LPP: variants seen among roughly 807,000 people sequenced by gnomAD.
LPP encodes the protein lipoma-preferred partner.
In LPP, 38 loss-of-function variants were observed where a neutral mutation model predicts 60.4. That is an observed-to-expected ratio of 0.63 (90% CI 0.49 to 0.83). The LOEUF is 0.83. LPP is among the 40% of genes least tolerant of loss of function. LPP has a pLI of 0.00. For synonymous variants in LPP, 328 were observed against 290.8 expected (o/e 1.13, Z -1.30); for missense variants, 902 against 783.6 (o/e 1.15, Z -1.80).
In LPP at chr3:188,651,963, G is replaced by C. The variant is rs151256851; in HGVS notation, c.1113+42119G>C. On this transcript the variant is annotated intron_variant, in intron 7 of 11. Coordinates refer to ENST00000617246, the MANE Select transcript of LPP (RefSeq NM_001375462.1). ...CCATTTTATTAGTATTTCTTAAAAG[G>C]CTTCATCAAAGCAGTTAAATGACTT... 3.8e-4 allele frequency among the ~76,000 whole-genome samples: 58 copies of C among 152,172 alleles called. No homozygotes were observed. In the Middle Eastern group the frequency reaches 0.01, roughly 27 times the overall value.
chr3:188,376,481 A>T (rs1467339242), intron 3 of LPP, among the ~76,000 whole-genome samples: 1 of 151,868 alleles, frequency 6.6e-6, no homozygotes. Context: ...GTCTCTTTTG[A>T]TCGTTGTTGG....
At chr3:188,817,518 A>G (rs1309482677) in intron 9 of LPP, among the ~76,000 whole-genome samples, 1 of 152,150 alleles carries the variant, frequency 6.6e-6, no homozygotes, top group African/African-American at 2.4e-5. Context: ...AGCTGTTTCA[A>G]TTCGTATGCC....
chr3:188,758,459 C>A (rs1483637263), intron 8 of LPP, among the ~76,000 whole-genome samples: 1 of 152,138 alleles, frequency 6.6e-6, no homozygotes, highest in African/African-American at 2.4e-5. Flanking sequence ...CTGCACCCAG[C>A]CTTCATATTT....
At chr3:188,805,146 CTG>C (rs1748693567) in intron 9 of LPP, among the ~76,000 whole-genome samples, 1 of 151,962 alleles carries the variant, frequency 6.6e-6, no homozygotes, top group Admixed American at 6.6e-5. Flanking sequence ...GTATACTAAA[CTG>C]TGGTTTTCTT....
intron 6 of LPP, chr3:188,553,921 A>G (rs932618394): frequency 1.3e-5 from 2 of 152,188 alleles, no homozygotes; most frequent in African/African-American, 4.8e-5. Flanking sequence ...TGCCCACACT[A>G]TATCTGATCA....
chr3:188,156,113 T>C (rs1238536761), intron 1 of LPP, among the ~76,000 whole-genome samples: 2 of 152,200 alleles, frequency 1.3e-5, no homozygotes, highest in Non-Finnish European at 2.9e-5. Context: ...CAAAACTTTA[T>C]AGTCTAGAAT....
intron 3 of LPP, among the ~76,000 whole-genome samples, chr3:188,396,002 T>G (rs1026234466): frequency 2.6e-5 from 4 of 152,142 alleles, no homozygotes. Context: ...TCTAAGCTAA[T>G]TTATAGTAGT....
chr3:188,306,040 G>A (rs145864440), intron 2 of LPP, among the ~76,000 whole-genome samples: 96 of 152,050 alleles, frequency 6.3e-4, no homozygotes, highest in Non-Finnish European at 1.1e-3. Context: ...CCTCTCTAGG[G>A]TTGTTTCTTC....
intron 2 of LPP, among the ~76,000 whole-genome samples, chr3:188,315,973 T>C (rs1754916497): frequency 6.6e-6 from 1 of 152,210 alleles, no homozygotes; most frequent in Non-Finnish European, 1.5e-5. Context: ...GGTAAAAATG[T>C]CTTTCTAAAG....
At chr3:188,511,797 C>A (rs984189815) in intron 5 of LPP, among the ~76,000 whole-genome samples, 3 of 152,156 alleles carry the variant, frequency 2.0e-5, no homozygotes, top group African/African-American at 7.2e-5. Flanking sequence ...CTGAGCACTT[C>A]TCTGTGATAA....
chr3:188,477,229 A>G (rs1428697928), intron 4 of LPP, among the ~76,000 whole-genome samples: 2 of 152,330 alleles, frequency 1.3e-5, no homozygotes, highest in African/African-American at 2.4e-5. Context: ...AAGAAGTACA[A>G]CATTCCAGCT....
chr3:188,526,121 A>G (rs1001622956), intron 6 of LPP, among the ~76,000 whole-genome samples: 16 of 152,316 alleles, frequency 1.1e-4, no homozygotes, highest in Admixed American at 9.1e-4. Flanking sequence ...CTTGCGTGAC[A>G]TTTGTTTGAC....
chr3:188,326,121 T>G (rs754403084), intron 2 of LPP, among the ~76,000 whole-genome samples: 1 of 152,160 alleles, frequency 6.6e-6, no homozygotes, highest in Non-Finnish European at 1.5e-5. Context: ...GGAGAGAGGT[T>G]CTTGAGGGGC....
chr3:188,826,749 G>A (rs1227528292), intron 9 of LPP, among the ~76,000 whole-genome samples: 2 of 151,976 alleles, frequency 1.3e-5, no homozygotes, highest in East Asian at 3.9e-4. Context: ...AATTGTCCTG[G>A]CTGAAAGTGA....
At chr3:188,802,501 G>A (rs1027228535) in intron 9 of LPP, among the ~76,000 whole-genome samples, 2 of 152,188 alleles carry the variant, frequency 1.3e-5, no homozygotes, top group African/African-American at 4.8e-5. Flanking sequence ...TAGCTTTAAT[G>A]GCTGGGCACG....
At chr3:188,642,033 G>T (rs777712271) in intron 7 of LPP, among the ~76,000 whole-genome samples, 37 of 152,236 alleles carry the variant, frequency 2.4e-4, no homozygotes, top group Admixed American at 5.9e-4. Flanking sequence ...AGTTGCGCTT[G>T]ATAATTATTG....
chr3:188,272,382 A>G (rs1045459879), intron 2 of LPP, among the ~76,000 whole-genome samples: 1 of 152,228 alleles, frequency 6.6e-6, no homozygotes, highest in African/African-American at 2.4e-5. Context: ...CAGAACAAAA[A>G]CAGAATCCTC....
intron 9 of LPP, among the ~76,000 whole-genome samples, chr3:188,780,291 C>G (rs1739218512): frequency 6.6e-6 from 1 of 152,142 alleles, no homozygotes; most frequent in Admixed American, 6.5e-5. Flanking sequence ...CTGAGAACAA[C>G]AATTTTTTTG....
intron 9 of LPP, among the ~76,000 whole-genome samples, chr3:188,852,698 C>A (rs1444809007): frequency 6.6e-6 from 1 of 152,178 alleles, no homozygotes; most frequent in Non-Finnish European, 1.5e-5. Flanking sequence ...GGACTTCCCA[C>A]CCTCCATTAT....
Sources: allele counts gnomAD v4.1 joint callset (sites outside exome capture counted in the v4.1 genomes callset), GRCh38; gene constraint gnomAD v4.1.1; transcripts MANE v1.5; gene names NCBI Gene and HGNC (gene_info 2026-07-23, HGNC 2026-07-21).